BTNL8: variants seen among roughly 807,000 people sequenced by gnomAD.
BTNL8 encodes the protein butyrophilin like 8.
A neutral mutation model predicts 36.1 loss-of-function variants in BTNL8; 22 were observed. The observed-to-expected ratio is 0.61, with a 90% CI of 0.44 to 0.87. BTNL8 has a LOEUF of 0.87. BTNL8 is among the 40% of genes least tolerant of loss of function. The probability of loss-of-function intolerance (pLI) is 0.00; values close to 1 mark genes in which losing one functional copy is unlikely to be tolerated. For synonymous variants in BTNL8, 203 were observed against 235.6 expected (o/e 0.86, Z 1.27); for missense variants, 526 against 616.9 (o/e 0.85, Z 1.56).
intron 3 of BTNL8, among the ~76,000 whole-genome samples, chr5:180,925,758 C>T (rs190045378): frequency 9.9e-5 from 15 of 152,252 alleles, no homozygotes; most frequent in Admixed American, 9.2e-4. Context: ...TTCTCTAATA[C>T]AGTAAGGGTG....
chr5:180,926,907 T>A (rs981367147), intron 3 of BTNL8, among the ~76,000 whole-genome samples: 5 of 152,144 alleles, frequency 3.3e-5, no homozygotes, highest in African/African-American at 7.2e-5. Context: ...TCAGCAGACT[T>A]AAACGTTCCT....
intron 3 of BTNL8, among the ~76,000 whole-genome samples, chr5:180,929,110 C>T (rs944622856): frequency 2.6e-5 from 4 of 152,178 alleles, no homozygotes; most frequent in African/African-American, 4.8e-5. Context: ...TCATAACAAA[C>T]AGCCTCTCGG....
Position 180,899,185 on chromosome 5 carries a change from A to T in BTNL8, c.-126A>T. On this transcript the variant is annotated 5_prime_UTR_variant, in exon 1 of 8. Coordinates refer to ENST00000340184, the MANE Select transcript of BTNL8 (RefSeq NM_001040462.3). ...GAACAGCGCAGTTTGCCCTCCGCTCACGCAGAGCCTCTCCGTGGCTTCCGC... is the reference window on the plus strand; with the variant it reads ...GAACAGCGCAGTTTGCCCTCCGCTCTCGCAGAGCCTCTCCGTGGCTTCCGC... 1 of 1,111,142 alleles carries T rather than the reference A, an allele frequency of 9.0e-7. No individual in the cohort carries two copies. Among genetic ancestry groups the T allele is most frequent in the Non-Finnish European group, 1.3e-6 (1 of 741,216 alleles). The allele number at this position is 1,111,142 out of a possible 1,614,324, so 68.8% of individuals were successfully genotyped here. A position where few individuals can be genotyped will look rare whatever the true frequency, so the allele number is the denominator to read the frequency against.
chr5:180,909,373 T>C (rs906534277), intron 2 of BTNL8, among the ~76,000 whole-genome samples: 1 of 152,210 alleles, frequency 6.6e-6, no homozygotes, highest in Non-Finnish European at 1.5e-5. Flanking sequence ...TTCTTTTTTT[T>C]CCCCACTGTC....
At chr5:180,947,835 A>AG in intron 4 of BTNL8, 2 of 1,500,632 alleles carry the variant, frequency 1.3e-6, no homozygotes, top group Non-Finnish European at 1.8e-6. Flanking sequence ...TACTTCATTT[A>AG]GGTCAAATAA....
At chr5:180,934,519 G>C (rs1432426922) in intron 3 of BTNL8, among the ~76,000 whole-genome samples, 1 of 152,242 alleles carries the variant, frequency 6.6e-6, no homozygotes, top group African/African-American at 2.4e-5. Flanking sequence ...GAGTGAGCGA[G>C]CACAAAATCT....
chr5:180,934,302 A>T (rs1399752543), intron 3 of BTNL8, among the ~76,000 whole-genome samples: 1 of 152,246 alleles, frequency 6.6e-6, no homozygotes, highest in Admixed American at 6.5e-5. Flanking sequence ...CAATACAATA[A>T]AAGCCATATA....
chr5:180,908,013 C>G (rs2113774492), intron 1 of BTNL8, among the ~76,000 whole-genome samples: 1 of 152,378 alleles, frequency 6.6e-6, no homozygotes, highest in East Asian at 1.9e-4. Context: ...CCTACAGAGG[C>G]AGGCAGGCCT....
intron 1 of BTNL8, among the ~76,000 whole-genome samples, chr5:180,900,157 C>T (rs1756761587): frequency 6.6e-6 from 1 of 152,218 alleles, no homozygotes; most frequent in African/African-American, 2.4e-5. Flanking sequence ...GAGACGCTCT[C>T]GTTTCAGTTT....
At chr5:180,937,820 C>G (rs1758729631) in intron 3 of BTNL8, among the ~76,000 whole-genome samples, 1 of 151,592 alleles carries the variant, frequency 6.6e-6, no homozygotes, top group African/African-American at 2.4e-5. Context: ...AAAAGGAGTT[C>G]AAAATAATGA....
At chr5:180,926,220 G>T (rs140906733) in intron 3 of BTNL8, among the ~76,000 whole-genome samples, 2,033 of 152,318 alleles carry the variant, frequency 0.013, 18 homozygotes, top group Non-Finnish European at 0.02. Flanking sequence ...GAAGTGCAAG[G>T]GGTTGGGGAA....
At chr5:180,945,665 A>G (rs1474982174) in intron 3 of BTNL8, 2 of 294,894 alleles carry the variant, frequency 6.8e-6, no homozygotes, top group Non-Finnish European at 1.5e-5. Flanking sequence ...CTGAACAAAC[A>G]TTTCTCAAAA....
intron 4 of BTNL8, chr5:180,947,984 T>C (rs1759358019): frequency 2.9e-6 from 2 of 678,724 alleles, no homozygotes; most frequent in Admixed American, 3.1e-5. Context: ...GACAATAAGA[T>C]AAAATTATAT....
Position 180,911,594 on chromosome 5 carries a change from A to G in BTNL8, c.653A>G (p.Glu218Gly), listed in dbSNP as rs1757403776. The change falls in exon 3 of 8, where the codon GAA becomes GGA. Residue 218 changes from glutamate (E) to glycine (G), a missense_variant. Coordinates refer to ENST00000340184, the MANE Select transcript of BTNL8 (RefSeq NM_001040462.3). ...CATGCTCATCTGAGCCGAGAGGTGG[A>G]ATCCAGGGTACAGATAGGAGGTGAG... Reference protein sequence around the residue: ...MRHAHLSREVESRVQIGDTFF... With the variant: ...MRHAHLSREVGSRVQIGDTFF... 1.9e-6 allele frequency: 3 copies of G among 1,613,218 alleles called. No individual in the cohort carries two copies. In the African/African-American group the frequency reaches 4.0e-5, roughly 22 times the overall value.
chr5:180,916,516 A>G (rs1326165722), intron 3 of BTNL8, among the ~76,000 whole-genome samples: 1 of 152,174 alleles, frequency 6.6e-6, no homozygotes, highest in African/African-American at 2.4e-5. Flanking sequence ...CAATAAAAAG[A>G]TCAATAAAAC....
At chr5:180,899,987 G>T (rs548172894) in intron 1 of BTNL8, among the ~76,000 whole-genome samples, 11 of 152,194 alleles carry the variant, frequency 7.2e-5, no homozygotes, top group Non-Finnish European at 1.3e-4. Context: ...AGCCACAGAA[G>T]ATTCGATTGA....
Position 180,934,738 on chromosome 5 carries a change from G to C in BTNL8, c.674-12774G>C, listed in dbSNP as rs1758564304. Among the ~76,000 whole-genome samples the C allele has an allele frequency of 2.0e-5, 3 of 152,352 alleles. No individual in the cohort carries two copies. The South Asian group carries it at 6.2e-4, about 32-fold the overall frequency. On this transcript the variant is annotated intron_variant, in intron 3 of 7. Coordinates refer to ENST00000340184, the MANE Select transcript of BTNL8 (RefSeq NM_001040462.3). The stretch of plus-strand genomic sequence containing the variant: ...GCCAGAAACCATACAGGCCCAAAGA[G>C]GGTGTCACAGTCCTGGCATGGGAAG...
chr5:180,949,708 T>C (rs1232719490), intron 7 of BTNL8, 196 bp from the exon 8 acceptor site: 4 of 670,508 alleles, frequency 6.0e-6, no homozygotes, highest in African/African-American at 5.4e-5. Context: ...TATTGAGACA[T>C]ATCTAGACAT....
chr5:180,916,110 G>T (rs906752943), intron 3 of BTNL8, among the ~76,000 whole-genome samples: 4 of 152,192 alleles, frequency 2.6e-5, no homozygotes, highest in Admixed American at 6.5e-5. Context: ...AGGTAGAATG[G>T]CAAGAGAGTA....
Sources: gnomAD v4.1 joint callset for allele counts (sites outside exome capture counted in the v4.1 genomes callset) on GRCh38, gnomAD v4.1.1 for gene constraint, MANE v1.5 for transcripts, NCBI Gene and HGNC (gene_info 2026-07-23, HGNC 2026-07-21) for gene names.